The following CPLANE1 variants were observed in gnomAD, a reference collection of about 807,000 sequenced individuals.
CPLANE1 encodes the protein ciliogenesis and planar polarity effector complex subunit 1.
A neutral mutation model predicts 362.5 loss-of-function variants in CPLANE1; 263 were observed. The observed-to-expected ratio is 0.73, with a 90% CI of 0.66 to 0.80. The LOEUF is 0.80. CPLANE1 is among the 30% of genes least tolerant of loss of function. The pLI is 0.00. For missense variants in CPLANE1, 3,461 were observed against 3,793.4 expected (o/e 0.91, Z 2.30); for synonymous variants, 1,212 against 1,302.6 (o/e 0.93, Z 1.50).
At chr5:37,225,914 T>C (rs1239594787) in intron 12 of CPLANE1, among the ~76,000 whole-genome samples, 1 of 151,514 alleles carries the variant, frequency 6.6e-6, no homozygotes, top group Non-Finnish European at 1.5e-5. Flanking sequence ...AACCAAAATC[T>C]TTCAAGATCA....
intron 50 of CPLANE1, among the ~76,000 whole-genome samples, chr5:37,118,024 A>G (rs969401256): frequency 6.6e-6 from 1 of 152,206 alleles, no homozygotes; most frequent in African/African-American, 2.4e-5. Context: ...AAGTTTTTTT[A>G]TATAAGCATG....
At chr5:37,124,898 A>G (rs753175820) in intron 47 of CPLANE1, 8 of 1,044,760 alleles carry the variant, frequency 7.7e-6, no homozygotes, top group Non-Finnish European at 8.0e-6. Context: ...TTTAATACAC[A>G]TAGTTGGTTG....
chr5:37,234,493 G>A (rs1157254042), intron 8 of CPLANE1, among the ~76,000 whole-genome samples: 2 of 138,478 alleles, frequency 1.4e-5, no homozygotes. Flanking sequence ...ATCTCAGTCA[G>A]ACAAAAATAA....
At chr5:37,127,400 T>G (rs1764461617) in intron 46 of CPLANE1, among the ~76,000 whole-genome samples, 2 of 152,146 alleles carry the variant, frequency 1.3e-5, no homozygotes, top group Non-Finnish European at 2.9e-5. Context: ...CTCATCAAAA[T>G]CCCATCTGCT....
In CPLANE1 at chr5:37,207,893, C is replaced by T. The variant is rs563126351; in HGVS notation, c.2921-1468G>A. Among the ~76,000 whole-genome samples the T allele has an allele frequency of 2.0e-5, 3 of 151,924 alleles. No homozygotes were observed. The East Asian group carries it at 5.8e-4, about 29-fold the overall frequency. On this transcript the variant is annotated intron_variant, in intron 16 of 52. Coordinates refer to ENST00000651892, the MANE Select transcript of CPLANE1 (RefSeq NM_001384732.1). ...ACTGAATGCAACTCATATCACTCTC[C>T]ACTTCCTTCTCTAGTTTTTTTTTGT...
intron 14 of CPLANE1, among the ~76,000 whole-genome samples, chr5:37,222,421 A>T (rs745777645): frequency 6.6e-6 from 1 of 152,162 alleles, no homozygotes; most frequent in Non-Finnish European, 1.5e-5. Context: ...CAATGCACTA[A>T]AGATGATGCA....
chr5:37,181,634 G>A (rs1429330321), intron 26 of CPLANE1, among the ~76,000 whole-genome samples: 2 of 152,188 alleles, frequency 1.3e-5, no homozygotes, highest in Admixed American at 1.3e-4. Context: ...GGGTAACAAA[G>A]GGAAACCCTG....
At chr5:37,232,610 G>A (rs1434004621) in intron 8 of CPLANE1, among the ~76,000 whole-genome samples, 1 of 151,110 alleles carries the variant, frequency 6.6e-6, no homozygotes, top group East Asian at 1.9e-4. Flanking sequence ...GCCAAGGTGG[G>A]AGAATTGCAT....
chr5:37,080,918 AG>A, the CPLANE1 span, among the ~76,000 whole-genome samples: 3 of 152,240 alleles, frequency 2.0e-5, no homozygotes, highest in African/African-American at 7.2e-5. Flanking sequence ...CACATATTCA[AG>A]ATGATTATCT....
chr5:37,215,210 C>T (rs913308337), intron 15 of CPLANE1, among the ~76,000 whole-genome samples: 10 of 152,104 alleles, frequency 6.6e-5, no homozygotes, highest in African/African-American at 1.2e-4. Context: ...CCACCACGCC[C>T]GGCTAATTTT....
Position 37,209,814 on chromosome 5 carries a change from C to T in CPLANE1, c.2921-3389G>A. The T allele has an allele frequency of 1.5e-6, 2 of 1,343,078 alleles. No homozygotes were observed. Among genetic ancestry groups the T allele is most frequent in the Non-Finnish European group, 2.1e-6 (2 of 935,420 alleles). The allele number at this position is 1,343,078 out of a possible 1,614,324, so 83.2% of individuals were successfully genotyped here. A position where few individuals can be genotyped will look rare whatever the true frequency, so the allele number is the denominator to read the frequency against. On this transcript the variant is annotated intron_variant, in intron 16 of 52. Transcript: ENST00000651892. The surrounding 1 kb of genome is among the most constrained non-coding windows in gnomAD (Gnocchi z 4.6). ...TTTTTTAAAAGGATTGGCAGAATAT[C>T]ATCAAGCTAAAGAAAGTTGTAATAT... is the stretch of plus-strand genomic sequence containing the variant.
chr5:37,193,167 T>TAA (rs1010441137), intron 21 of CPLANE1, among the ~76,000 whole-genome samples: 1 of 142,002 alleles, frequency 7.0e-6, no homozygotes, highest in Non-Finnish European at 1.5e-5. Flanking sequence ...AGACTCCAAC[T>TAA]AAAAAAAAAA....
rs1470384523 is a variant in CPLANE1 at position 37,226,905 on chromosome 5, T to C, written c.1690A>G (p.Arg564Gly). ...ATAGAATGCAGTTCTGTAATGGTTCTATCTGTCTCCTCACTATCATCCTTT... is the reference window on the plus strand; with the variant it reads ...ATAGAATGCAGTTCTGTAATGGTTCCATCTGTCTCCTCACTATCATCCTTT... ...HAKDDSEETD[R>G]TITELHSIQK... Residue 564 changes from arginine (R) to glycine (G), a missense_variant, in exon 12 of 53, where the codon AGA becomes GGA. This residue lies in a region of CPLANE1 where 3,380 missense variants were observed against 3,666.1 expected (regional missense o/e 0.92). Transcript: ENST00000651892. The C allele has an allele frequency of 1.3e-6, 2 of 1,551,850 alleles. No homozygotes were observed. Among genetic ancestry groups the C allele is most frequent in the Non-Finnish European group, 1.7e-6 (2 of 1,147,002 alleles).
At chr5:37,133,885 G>A (rs142728405) in intron 46 of CPLANE1, among the ~76,000 whole-genome samples, 122 of 152,068 alleles carry the variant, frequency 8.0e-4, no homozygotes, top group African/African-American at 2.6e-3. Context: ...GCTTTTGCCC[G>A]TTCAGTAAGA....
rs1369223522 is a variant in CPLANE1, at chr5:37,184,788, C to A, written c.4481G>T (p.Arg1494Ile). ...AGTGATTAAAAGATCTCAATTGTACCTTTGATAGATATTTATCCTACTTTT... is the reference window on the plus strand; with the variant it reads ...AGTGATTAAAAGATCTCAATTGTACATTTGATAGATATTTATCCTACTTTT... ...EEKSRINIYQ[R>I]NAPNHMELTS... Residue 1494 changes from arginine to isoleucine, a missense_variant and splice_region_variant, in exon 25 of 53, where the codon AGA (arginine) becomes ATA (isoleucine). Arg to Ile is a moderately conservative substitution (Grantham distance 97). Coordinates refer to ENST00000651892, the MANE Select transcript of CPLANE1 (RefSeq NM_001384732.1). 1 of 1,607,804 alleles carries A rather than the reference C, an allele frequency of 6.2e-7. No individual in the cohort carries two copies. The highest frequency in any genetic ancestry group is 8.5e-7 in the Non-Finnish European group (1 of 1,177,428).
At chr5:37,222,925 T>C (rs1795667241) in intron 14 of CPLANE1, among the ~76,000 whole-genome samples, 1 of 152,236 alleles carries the variant, frequency 6.6e-6, no homozygotes, top group South Asian at 2.1e-4. Flanking sequence ...CTTCCACAAC[T>C]GTACCAAAGT....
At chr5:37,229,494 G>C (rs1265257813) in intron 9 of CPLANE1, among the ~76,000 whole-genome samples, 3 of 151,414 alleles carry the variant, frequency 2.0e-5, no homozygotes, top group Non-Finnish European at 4.4e-5. Context: ...AGCCGAGATG[G>C]CGCCACCGCA....
At chr5:37,157,614 T>C in intron 40 of CPLANE1, 56 bp downstream of exon 40, 4 of 1,447,106 alleles carry the variant, frequency 2.8e-6, no homozygotes, top group East Asian at 2.3e-5. Context: ...GGGATAACAA[T>C]GCTATATTAA....
intron 51 of CPLANE1, among the ~76,000 whole-genome samples, chr5:37,114,649 C>G (rs557063068): frequency 6.6e-6 from 1 of 152,096 alleles, no homozygotes; most frequent in African/African-American, 2.4e-5. Context: ...CCTGTAATCA[C>G]AGGACTTTGG....
Sources: gnomAD v4.1 joint callset for allele counts (sites outside exome capture counted in the v4.1 genomes callset) on GRCh38, gnomAD v4.1.1 for gene constraint, gnomAD v4.1.1 regional missense constraint, Gnocchi (gnomAD v3.1) non-coding constraint, MANE v1.5 for transcripts, NCBI Gene and HGNC (gene_info 2026-07-23, HGNC 2026-07-21) for gene names.